The following CMIP variants were observed in gnomAD, a reference collection of about 807,000 sequenced individuals.
CMIP encodes the protein C-Maf-inducing protein.
CMIP carries 13 observed loss-of-function variants against 97.3 expected under a neutral mutation model. The ratio of observed to expected loss-of-function variants is 0.13; its 90% CI spans 0.09 to 0.21. CMIP has a LOEUF of 0.21. Ranked by LOEUF, CMIP falls within the 10% of genes least tolerant of loss-of-function variation. The probability of loss-of-function intolerance (pLI) is 1.00; values close to 1 mark genes in which losing one functional copy is unlikely to be tolerated. For missense variants in CMIP, 847 were observed against 1,024.9 expected (o/e 0.83, Z 2.37); for synonymous variants, 538 against 436.3 (o/e 1.23, Z -2.91).
chr16:81,580,223 C>A (rs559897350), intron 1 of CMIP, among the ~76,000 whole-genome samples: 1 of 152,150 alleles, frequency 6.6e-6, no homozygotes. Flanking sequence ...AGGGCAGGGC[C>A]GTGATCAGAC....
At chr16:81,498,158 G>T (rs2089527303) in intron 1 of CMIP, among the ~76,000 whole-genome samples, 1 of 152,226 alleles carries the variant, frequency 6.6e-6, no homozygotes, top group Non-Finnish European at 1.5e-5. Flanking sequence ...CTGGGCAGAT[G>T]TTTTAACCAT....
rs139632779 is a variant in CMIP, at chr16:81,613,053, G to A, written c.426+5361G>A. On this transcript the variant is annotated intron_variant, in intron 2 of 20. Transcript: ENST00000537098. ...AAGCCCCTTAGAGATGCCTGTGCTGGGACTCAAGACATTGCCTAGCAGCGT... is the reference window on the plus strand; with the variant it reads ...AAGCCCCTTAGAGATGCCTGTGCTGAGACTCAAGACATTGCCTAGCAGCGT... 1.4e-3 allele frequency among the ~76,000 whole-genome samples: 210 copies of A among 152,292 alleles called. 1 individual carries two copies. The highest frequency in any genetic ancestry group is 4.6e-3 in the African/African-American group (193 of 41,556).
At chr16:81,630,481 T>C (rs2092140891) in intron 3 of CMIP, 1 of 152,256 alleles carries the variant, frequency 6.6e-6, no homozygotes, top group Non-Finnish European at 1.5e-5. Flanking sequence ...CCTGCTTGAG[T>C]GACCGCCCAG....
At chr16:81,479,971 A>G (rs754644283) in intron 1 of CMIP, among the ~76,000 whole-genome samples, 11 of 152,202 alleles carry the variant, frequency 7.2e-5, no homozygotes, top group Non-Finnish European at 1.5e-4. Flanking sequence ...CCACATAAGC[A>G]TGTGTGGTTC....
At chr16:81,491,334 G>A (rs992073340) in intron 1 of CMIP, among the ~76,000 whole-genome samples, 5 of 152,120 alleles carry the variant, frequency 3.3e-5, no homozygotes, top group Non-Finnish European at 7.4e-5. Context: ...TGAGACTCTG[G>A]GCAAGTCACA....
chr16:81,674,461 A>G (rs536785226), intron 9 of CMIP, among the ~76,000 whole-genome samples: 1 of 152,090 alleles, frequency 6.6e-6, no homozygotes, highest in African/African-American at 2.4e-5. Context: ...CAGAGTGTGC[A>G]GGAGCCAGCT....
At chr16:81,527,688 C>G (rs887601479) in intron 1 of CMIP, among the ~76,000 whole-genome samples, 1 of 152,192 alleles carries the variant, frequency 6.6e-6, no homozygotes, top group East Asian at 1.9e-4. Context: ...TTACAGAAAG[C>G]AAATCAATGC....
At chr16:81,653,211 T>G (rs1394702543) in intron 4 of CMIP, among the ~76,000 whole-genome samples, 1 of 152,206 alleles carries the variant, frequency 6.6e-6, no homozygotes, top group African/African-American at 2.4e-5. Context: ...GCCACCAGAC[T>G]GATGCTTCTG....
At chr16:81,502,109 C>T (rs2150779625) in intron 1 of CMIP, among the ~76,000 whole-genome samples, 1 of 152,322 alleles carries the variant, frequency 6.6e-6, no homozygotes, top group Admixed American at 6.5e-5. Flanking sequence ...CTGCCTAGCT[C>T]CGATGAGGAA....
intron 1 of CMIP, among the ~76,000 whole-genome samples, chr16:81,571,587 CAAAAAAA>C (rs397854647): frequency 0.012 from 1,025 of 87,508 alleles, 7 homozygotes; most frequent in Non-Finnish European, 0.016. Context: ...TCATCTCTAC[CAAAAAAA>C]AAAAAAAAAA....
intron 1 of CMIP, among the ~76,000 whole-genome samples, chr16:81,503,521 C>T (rs915004042): frequency 1.3e-5 from 2 of 152,158 alleles, no homozygotes; most frequent in Non-Finnish European, 2.9e-5. Flanking sequence ...CTCAGCCTCC[C>T]GAGTAGGTGG....
intron 1 of CMIP, among the ~76,000 whole-genome samples, chr16:81,487,911 G>T (rs1397684041): frequency 6.6e-6 from 1 of 152,158 alleles, no homozygotes; most frequent in Non-Finnish European, 1.5e-5. Flanking sequence ...GTTACTAGAC[G>T]ATCTTCGAAT....
chr16:81,603,118 T>C (rs2091684582), intron 1 of CMIP, among the ~76,000 whole-genome samples: 1 of 152,140 alleles, frequency 6.6e-6, no homozygotes, highest in African/African-American at 2.4e-5. Context: ...CTTGCTCTGT[T>C]GCCCAGGCTA....
intron 1 of CMIP, among the ~76,000 whole-genome samples, chr16:81,454,647 G>A (rs116795170): frequency 0.011 from 1,725 of 152,320 alleles, 34 homozygotes; most frequent in African/African-American, 0.039. Flanking sequence ...TGCATAGTGA[G>A]TGCTCTCAGG....
intron 2 of CMIP, 77 bp from the exon 3 acceptor site, chr16:81,620,799 C>T: frequency 6.4e-7 from 1 of 1,564,708 alleles, no homozygotes; most frequent in South Asian, 1.1e-5. Context: ...CTTGGGGGCT[C>T]ACATGCTGGC....
chr16:81,484,341 C>G (rs907829476), intron 1 of CMIP, among the ~76,000 whole-genome samples: 2 of 152,216 alleles, frequency 1.3e-5, no homozygotes, highest in South Asian at 4.1e-4. Flanking sequence ...TGAAGGAGGC[C>G]TGGTGCAGCT....
intron 1 of CMIP, among the ~76,000 whole-genome samples, chr16:81,598,056 C>G (rs1290545476): frequency 6.6e-6 from 1 of 152,090 alleles, no homozygotes. Context: ...AGTTCTGAGT[C>G]TCGGTTTCCT....
intron 6 of CMIP, 27 bp downstream of exon 6, chr16:81,660,973 G>A: frequency 6.2e-7 from 1 of 1,613,920 alleles, no homozygotes; most frequent in East Asian, 2.2e-5. Flanking sequence ...CTGGGGCTGT[G>A]GCTGCAGGAA....
chr16:81,598,968 C>CAAAA (rs141717317), intron 1 of CMIP, among the ~76,000 whole-genome samples: 19 of 49,840 alleles, frequency 3.8e-4, no homozygotes, highest in East Asian at 1.8e-3. Flanking sequence ...GACTCTGTCT[C>CAAAA]AAAAAAAAAA....
Sources: allele counts gnomAD v4.1 joint callset (sites outside exome capture counted in the v4.1 genomes callset), GRCh38; gene constraint gnomAD v4.1.1; transcripts MANE v1.5; gene names NCBI Gene and HGNC (gene_info 2026-07-23, HGNC 2026-07-21).